Variants in RIF1 observed in about 807,000 individuals in gnomAD.
RIF1 encodes replication timing regulatory factor 1, also known as telomere-associated protein RIF1.
Under a neutral mutation model 247.1 loss-of-function variants are expected in RIF1, and 45 were observed. That is an observed-to-expected ratio of 0.18 (90% CI 0.14 to 0.23). RIF1 has a LOEUF of 0.23. Among genes scored for constraint, RIF1 ranks in the 10% least tolerant of loss-of-function variants. The pLI is 1.00. For missense variants in RIF1, 2,967 were observed against 2,862.5 expected (o/e 1.04, Z -0.83); for synonymous variants, 1,087 against 978.8 (o/e 1.11, Z -2.06).
chr2:151,423,506 T>G (rs932803080), intron 8 of RIF1: 1 of 155,288 alleles, frequency 6.4e-6, no homozygotes, highest in African/African-American at 2.4e-5. Context: ...AAATAAACTT[T>G]GTTCAGGCAT....
intron 8 of RIF1, 94 bp downstream of exon 8, chr2:151,423,136 C>A: frequency 1.4e-6 from 1 of 696,930 alleles, no homozygotes; most frequent in Admixed American, 3.0e-5. Context: ...TCATTATTTC[C>A]TTTGTACAGC....
Position 151,468,093 on chromosome 2 carries a change from A to C in RIF1, c.6694A>C (p.Asn2232His). ...CTCTATTGTTAGGTCCCATTCTTCC[A>C]ATAGTTCTCCCATAGGAAAAAGTGT... ...RCSIVRSHSS[N>H]SSPIGKSVKT... The change falls in exon 31 of 36, where the codon AAT (asparagine) becomes CAT (histidine). Residue 2232 changes from asparagine to histidine, a missense_variant. Around this residue, in one of 7 missense-constraint regions of RIF1, gnomAD observed 2,028 missense variants for 1,825.6 expected, o/e 1.11. Transcript: ENST00000444746. 1.9e-6 allele frequency: 3 copies of C among 1,613,636 alleles called. No homozygotes were observed. Among genetic ancestry groups the C allele is most frequent in the Non-Finnish European group, 1.7e-6 (2 of 1,179,640 alleles).
At chr2:151,445,762 C>T (rs1693154782) in intron 19 of RIF1, among the ~76,000 whole-genome samples, 1 of 152,126 alleles carries the variant, frequency 6.6e-6, no homozygotes. Flanking sequence ...TGGTCAGTTT[C>T]ACCTGACCTC....
In RIF1 at chr2:151,410,284, G is replaced by C. The variant is rs972823035; in HGVS notation, c.-10-130G>C. 5.7e-6 allele frequency: 4 copies of C among 701,964 alleles called. No individual in the cohort carries two copies. The African/African-American group carries it at 7.0e-5, about 12-fold the overall frequency. 43.5% of individuals were successfully genotyped at this position (701,964 alleles called of 1,614,324 possible). A position where few individuals can be genotyped will look rare whatever the true frequency, so the allele number is the denominator to read the frequency against. ...CTGGGGTTTGGTGATTCGGAGGCCT[G>C]GGGTGCAGACGCGGCGTGGCTGTGA... is the stretch of plus-strand genomic sequence containing the variant. On this transcript the variant is annotated intron_variant, in intron 1 of 35. Coordinates refer to ENST00000444746, the MANE Select transcript of RIF1 (RefSeq NM_018151.5).
At chr2:151,529,564 T>C in the RIF1 span, among the ~76,000 whole-genome samples, 3 of 151,370 alleles carry the variant, frequency 2.0e-5, no homozygotes, top group African/African-American at 7.3e-5. Context: ...AGATTCTCTC[T>C]CTGTCACCCA....
the RIF1 span, chr2:151,519,726 G>T: frequency 6.2e-7 from 1 of 1,613,060 alleles, no homozygotes. Context: ...TTGTATTTTG[G>T]TGTCTTGCCC....
rs182899338 is a variant in RIF1 at position 151,419,703 on chromosome 2, G to A, written c.504-487G>A. On this transcript the variant is annotated intron_variant, in intron 6 of 35. Transcript: ENST00000444746. Reference sequence around the variant, plus strand: ...GCCGTACTTTTATATGAATGAGAGCGCAGTAGATTTGTTTACACCAGTGTC... The same window carrying A: ...GCCGTACTTTTATATGAATGAGAGCACAGTAGATTTGTTTACACCAGTGTC... 5.7e-4 allele frequency among the ~76,000 whole-genome samples: 87 copies of A among 152,172 alleles called. 1 individual carries two copies. Among genetic ancestry groups the A allele is most frequent in the African/African-American group, 1.8e-3 (74 of 41,506 alleles).
intron 1 of RIF1, 49 bp from the exon 2 acceptor site, chr2:151,410,365 C>A (rs986802805): frequency 6.8e-7 from 1 of 1,479,390 alleles, no homozygotes; most frequent in Non-Finnish European, 9.3e-7. Flanking sequence ...CGCCGCGGGG[C>A]TGTTTCCATC....
At chr2:151,514,957 TAAAA>T in the RIF1 span, 1 of 1,402,490 alleles carries the variant, frequency 7.1e-7, no homozygotes, top group Non-Finnish European at 9.8e-7. Flanking sequence ...AAAGACAAGT[TAAAA>T]AAAAATCTTT....
the RIF1 span, among the ~76,000 whole-genome samples, chr2:151,519,302 A>G: frequency 6.6e-6 from 1 of 152,252 alleles, no homozygotes; most frequent in Non-Finnish European, 1.5e-5. Flanking sequence ...CCATAAAAGG[A>G]ATGAAGTTCT....
the RIF1 span, chr2:151,531,100 A>T: frequency 1.3e-6 from 2 of 1,591,600 alleles, no homozygotes; most frequent in Non-Finnish European, 1.7e-6. Flanking sequence ...TTTATAAAGG[A>T]TCTGAAAGAT....
At chr2:151,427,488 G>C (rs1365218769) in intron 8 of RIF1, among the ~76,000 whole-genome samples, 2 of 151,096 alleles carry the variant, frequency 1.3e-5, no homozygotes, top group Non-Finnish European at 3.0e-5. Flanking sequence ...TGGGATTGCA[G>C]GTGTGAGCCA....
At chr2:151,503,304 ATTT>A (rs751129598) in intron 12 of RIF1, 1 of 1,430,286 alleles carries the variant, frequency 7.0e-7, no homozygotes, top group African/African-American at 1.4e-5. Flanking sequence ...ATTGTGGTAA[ATTT>A]TTTATGGGAA....
At chr2:151,426,308 G>A (rs1689093051) in intron 8 of RIF1, among the ~76,000 whole-genome samples, 1 of 150,716 alleles carries the variant, frequency 6.6e-6, no homozygotes, top group Non-Finnish European at 1.5e-5. Context: ...CCGAGTAGCT[G>A]AGACTGCAGG....
At chr2:151,425,217 T>C (rs1302715999) in intron 8 of RIF1, among the ~76,000 whole-genome samples, 1 of 151,488 alleles carries the variant, frequency 6.6e-6, no homozygotes, top group East Asian at 2.1e-4. Flanking sequence ...GAGAAATGTC[T>C]AAGTCCTTGG....
chr2:151,506,831 T>C (rs1402546159), intron 13 of RIF1: 2 of 942,028 alleles, frequency 2.1e-6, no homozygotes, highest in African/African-American at 3.3e-5. Context: ...TGTGTATCAA[T>C]ATAAGGCTAG....
chr2:151,473,917 G>A (rs373880662), intron 34 of RIF1, 47 bp from the exon 35 acceptor site: 5 of 899,718 alleles, frequency 5.6e-6, no homozygotes, highest in Middle Eastern at 2.2e-4. Flanking sequence ...GTTTCAATTT[G>A]TTGTTGTTGT....
At chr2:151,516,546 C>T in the RIF1 span, 1 of 1,610,296 alleles carries the variant, frequency 6.2e-7, no homozygotes, top group East Asian at 2.2e-5. Context: ...CCTTTTCATA[C>T]TTTTCTTTGT....
chr2:151,415,012 C>A, intron 4 of RIF1, 93 bp downstream of exon 4: 1 of 770,952 alleles, frequency 1.3e-6, no homozygotes, highest in Non-Finnish European at 2.1e-6. Flanking sequence ...ACTGTTATGT[C>A]TGGATTAGTT....
Sources: allele counts gnomAD v4.1 joint callset (sites outside exome capture counted in the v4.1 genomes callset), GRCh38; gene constraint gnomAD v4.1.1; regional missense constraint gnomAD v4.1.1; transcripts MANE v1.5; gene names NCBI Gene and HGNC (gene_info 2026-07-23, HGNC 2026-07-21).